Variants in ZNF254 observed in about 807,000 individuals in gnomAD.
ZNF254 encodes the protein CTD-2017D11.1.
Under a neutral mutation model 12.4 loss-of-function variants are expected in ZNF254, and 10 were observed. The observed-to-expected ratio is 0.80, with a 90% CI of 0.50 to 1.36. The LOEUF is 1.36. Among genes scored for constraint, ZNF254 ranks in the 40% most tolerant of loss-of-function variants. The probability of loss-of-function intolerance (pLI) is 0.00; values close to 1 mark genes in which losing one functional copy is unlikely to be tolerated. For synonymous variants in ZNF254, 305 were observed against 253.4 expected (o/e 1.20, Z -1.93); for missense variants, 996 against 763.9 (o/e 1.30, Z -3.58).
chr19:24,098,376 G>A (rs1972794880), intron 1 of ZNF254: 1 of 152,118 alleles, frequency 6.6e-6, no homozygotes, highest in African/African-American at 2.4e-5. Flanking sequence ...CTATGTTGTA[G>A]GCTCGCATAT....
intron 3 of ZNF254, among the ~76,000 whole-genome samples, chr19:24,121,792 T>A (rs2145964756): frequency 6.6e-6 from 1 of 152,188 alleles, no homozygotes; most frequent in Middle Eastern, 3.4e-3. Flanking sequence ...CCTGACCTCA[T>A]GATCCACCCT....
rs559067247 is a variant in ZNF254 at position 24,087,263 on chromosome 19, C to T, written c.-45C>T. The stretch of plus-strand genomic sequence containing the variant: ...TGTCCTCTGCTCCTAGAGGCCCAGC[C>T]TCTGTGGCGCTGTTACCAGCAGGTA... On this transcript the variant is annotated 5_prime_UTR_variant, in exon 1 of 4. Transcript: ENST00000357002. 11 of 1,612,510 alleles carry T rather than the reference C, an allele frequency of 6.8e-6. No homozygotes were observed. Among genetic ancestry groups the T allele is most frequent in the Middle Eastern group, 1.7e-4 (1 of 6,052 alleles).
At chr19:24,111,387 A>G (rs1056633619) in intron 3 of ZNF254, among the ~76,000 whole-genome samples, 6 of 152,102 alleles carry the variant, frequency 3.9e-5, no homozygotes, top group African/African-American at 1.4e-4. Flanking sequence ...AGTCTTTGCT[A>G]TTGTGAATAC....
chr19:24,111,367 G>T (rs1226213468), intron 3 of ZNF254, among the ~76,000 whole-genome samples: 3 of 152,076 alleles, frequency 2.0e-5, no homozygotes, highest in Non-Finnish European at 4.4e-5. Context: ...GGACATTTGG[G>T]TTGGTTCCAA....
intron 3 of ZNF254, among the ~76,000 whole-genome samples, chr19:24,114,289 T>C (rs1238127775): frequency 2.0e-5 from 3 of 149,538 alleles, no homozygotes; most frequent in African/African-American, 7.4e-5. Context: ...ACTACAAGGC[T>C]ACAGTAACCA....
At chr19:24,105,435 C>A in intron 1 of ZNF254, 1 of 263,668 alleles carries the variant, frequency 3.8e-6, no homozygotes, top group Non-Finnish European at 7.2e-6. Flanking sequence ...GGGGCCAAAA[C>A]ATTGGCATTA....
At chr19:24,104,616 T>C (rs1034573051) in intron 1 of ZNF254, 29 of 152,188 alleles carry the variant, frequency 1.9e-4, no homozygotes, top group African/African-American at 7.0e-4. Context: ...CTGAAAAATT[T>C]TTCTATATAC....
chr19:24,034,648 C>A (rs1240982791), intron 1 of ZNF254, among the ~76,000 whole-genome samples: 1 of 151,784 alleles, frequency 6.6e-6, no homozygotes, highest in South Asian at 2.1e-4. Flanking sequence ...GGCGACCCGA[C>A]GCCCAGCTAA....
chr19:24,096,930 G>T (rs1427877451), intron 1 of ZNF254, among the ~76,000 whole-genome samples: 1 of 152,160 alleles, frequency 6.6e-6, no homozygotes, highest in Non-Finnish European at 1.5e-5. Context: ...ATGTCCAAGA[G>T]TTCAAGCACA....
intron 1 of ZNF254, among the ~76,000 whole-genome samples, chr19:24,101,749 C>A (rs866191304): frequency 6.6e-6 from 1 of 152,190 alleles, no homozygotes; most frequent in Non-Finnish European, 1.5e-5. Flanking sequence ...AGTCCAGGGT[C>A]ACTGGAAATG....
chr19:24,065,894 C>T (rs1000281781), intron 2 of ZNF254: 26 of 152,122 alleles, frequency 1.7e-4, no homozygotes, highest in African/African-American at 5.6e-4. Context: ...CTACAGGGGA[C>T]CTTGTGACAT....
At chr19:24,036,133 C>G (rs1421516242) in intron 1 of ZNF254, among the ~76,000 whole-genome samples, 2 of 152,178 alleles carry the variant, frequency 1.3e-5, no homozygotes, top group African/African-American at 2.4e-5. Context: ...GCGATCTTGG[C>G]TCACTGCGAG....
upstream of ZNF254, among the ~76,000 whole-genome samples, chr19:24,084,452 G>A (rs1971955069): frequency 6.6e-6 from 1 of 152,028 alleles, no homozygotes; most frequent in Non-Finnish European, 1.5e-5. Context: ...ATTGGGTACA[G>A]TGCACACTGC....
intron 1 of ZNF254, among the ~76,000 whole-genome samples, chr19:24,041,706 G>A (rs1970171401): frequency 6.6e-6 from 1 of 152,250 alleles, no homozygotes; most frequent in Non-Finnish European, 1.5e-5. Flanking sequence ...GCGAGCGCAC[G>A]GCGCAGGACT....
intron 1 of ZNF254, among the ~76,000 whole-genome samples, chr19:24,042,410 A>G (rs140607989): frequency 0.017 from 2,599 of 152,278 alleles, 84 homozygotes; most frequent in African/African-American, 0.059. Flanking sequence ...CCCCTTCCAC[A>G]CTGTGGAAAC....
At chr19:24,059,077 G>A (rs148092892) in intron 2 of ZNF254, among the ~76,000 whole-genome samples, 1 of 152,344 alleles carries the variant, frequency 6.6e-6, no homozygotes, top group Non-Finnish European at 1.5e-5. Flanking sequence ...ACAGCATAAT[G>A]ACGTTATTCT....
At chr19:24,124,022 T>C (rs1302477764) in intron 3 of ZNF254, among the ~76,000 whole-genome samples, 1 of 152,078 alleles carries the variant, frequency 6.6e-6, no homozygotes, top group Non-Finnish European at 1.5e-5. Context: ...TGTTATTTTA[T>C]TAAGTATTTT....
Position 24,128,422 on chromosome 19 carries a change from G to A in ZNF254, c.*442G>A, listed in dbSNP as rs1040964868. 1 of 154,458 alleles carries A rather than the reference G, an allele frequency of 6.5e-6. No homozygotes were observed. Among genetic ancestry groups the A allele is most frequent in the Admixed American group, 6.5e-5 (1 of 15,388 alleles). 9.6% of individuals were successfully genotyped at this position (154,458 alleles called of 1,614,324 possible). A position where few individuals can be genotyped will look rare whatever the true frequency, so the allele number is the denominator to read the frequency against. ...ATCTGTCAGAAAGTATGTCTTTAAA[G>A]TATAGAAGAGCATTTATTTTGAAAA... On this transcript the variant is annotated 3_prime_UTR_variant, in exon 4 of 4. Transcript: ENST00000357002.
chr19:24,119,416 C>T (rs1165215392), intron 3 of ZNF254, among the ~76,000 whole-genome samples: 1 of 151,880 alleles, frequency 6.6e-6, no homozygotes, highest in Non-Finnish European at 1.5e-5. Flanking sequence ...GATCTCAAAA[C>T]CCTGACCTCA....
Sources: allele counts gnomAD v4.1 joint callset (sites outside exome capture counted in the v4.1 genomes callset), GRCh38; gene constraint gnomAD v4.1.1; transcripts MANE v1.5; gene names NCBI Gene and HGNC (gene_info 2026-07-23, HGNC 2026-07-21).